Variants in DOC2B observed in about 807,000 individuals in gnomAD.
DOC2B encodes double C2-like domain-containing protein beta.
In DOC2B, 21 loss-of-function variants were observed where a neutral mutation model predicts 28.9. That is an observed-to-expected ratio of 0.73 (90% CI 0.52 to 1.05). DOC2B has a LOEUF of 1.05. Ranked by LOEUF, DOC2B falls within the 50% of genes least tolerant of loss-of-function variation. The pLI is 0.00. For missense variants in DOC2B, 384 were observed against 421.1 expected, an observed-to-expected ratio of 0.91 and a Z score of 0.77; for synonymous variants, 194 against 178.1, an observed-to-expected ratio of 1.09 and a Z score of -0.71.
At chr17:159,905 C>T (rs1323189622) in intron 5 of DOC2B, among the ~76,000 whole-genome samples, 4 of 149,082 alleles carry the variant, frequency 2.7e-5, no homozygotes, top group African/African-American at 7.3e-5. Context: ...TGACACCCCA[C>T]GTACATACCC....
intron 1 of DOC2B, among the ~76,000 whole-genome samples, chr17:177,991 C>A (rs1467700059): frequency 2.0e-5 from 3 of 152,246 alleles, no homozygotes; most frequent in Non-Finnish European, 4.4e-5. Flanking sequence ...GACAAAAGGA[C>A]AGGTCTCCTG....
intron 2 of DOC2B, among the ~76,000 whole-genome samples, chr17:170,569 G>C (rs1334079718): frequency 6.6e-6 from 1 of 152,176 alleles, no homozygotes; most frequent in African/African-American, 2.4e-5. Context: ...ATCTGAGCTG[G>C]GCTGGCTCAG....
chr17:152,000 G>A (rs948721739), intron 6 of DOC2B, among the ~76,000 whole-genome samples: 3 of 152,138 alleles, frequency 2.0e-5, no homozygotes, highest in Admixed American at 6.5e-5. Context: ...TCTGGCACAA[G>A]CCCACCCTGC....
chr17:172,270 C>G (rs927921266), intron 2 of DOC2B, among the ~76,000 whole-genome samples: 1 of 152,034 alleles, frequency 6.6e-6, no homozygotes, highest in Non-Finnish European at 1.5e-5. Context: ...CCTCCCCAGG[C>G]TCGAGGGTCC....
intron 3 of DOC2B, among the ~76,000 whole-genome samples, chr17:162,663 C>T (rs1219740241): frequency 6.6e-6 from 1 of 152,320 alleles, no homozygotes; most frequent in East Asian, 1.9e-4. Context: ...CAGAGCAGTC[C>T]GAGAGTAAAC....
At position 181,369 on chromosome 17, in the gene DOC2B, G is replaced by T; in HGVS notation, c.111C>A (p.Phe37Leu). The T allele has an allele frequency of 1.8e-6, 2 of 1,137,318 alleles. No homozygotes were observed. Among genetic ancestry groups the T allele is most frequent in the Non-Finnish European group, 2.2e-6 (2 of 924,904 alleles). 70.5% of individuals were successfully genotyped at this position (1,137,318 alleles called of 1,614,324 possible). ...GGGGCAGGCCCCGCGGGAAGCGGGGGAAGTAGTCGGAGATCTGCTTGATGG... is the reference window on the plus strand; with the variant it reads ...GGGGCAGGCCCCGCGGGAAGCGGGGTAAGTAGTCGGAGATCTGCTTGATGG... ...IRPIKQISDY[F>L]PRFPRGLPPD... The change falls in exon 1 of 9, where the codon TTC (phenylalanine) becomes TTA (leucine). Residue 37 changes from phenylalanine to leucine, a missense_variant. Physicochemically the swap from Phe to Leu is conservative, Grantham distance 22. Transcript: ENST00000613549. This position sits in a 1 kb window ranked among gnomAD's most constrained non-coding sequence, Gnocchi z 7.0.
chr17:157,554 C>T (rs532974169), intron 5 of DOC2B, among the ~76,000 whole-genome samples: 9 of 152,262 alleles, frequency 5.9e-5, no homozygotes, highest in East Asian at 1.9e-4. Context: ...CTCTGCCTCC[C>T]GGGTTTAAGC....
intron 5 of DOC2B, among the ~76,000 whole-genome samples, chr17:156,925 AT>A (rs2040142636): frequency 6.6e-6 from 1 of 152,182 alleles, no homozygotes; most frequent in African/African-American, 2.4e-5. Context: ...AATGAAAAAT[AT>A]TTTGTGACAC....
intron 1 of DOC2B, among the ~76,000 whole-genome samples, chr17:176,906 C>G (rs2040376320): frequency 6.6e-6 from 1 of 152,140 alleles, no homozygotes; most frequent in African/African-American, 2.4e-5. Flanking sequence ...AGCTCAAGCC[C>G]CTGTTGGCTC....
chr17:147,646 C>A (rs1482688303), intron 8 of DOC2B, 69 bp from the exon 9 acceptor site: 5 of 398,628 alleles, frequency 1.3e-5, no homozygotes, highest in Non-Finnish European at 2.2e-5. Flanking sequence ...GCCCATGCCC[C>A]CTCCCAGGTT....
At chr17:150,769 C>CA (rs2040064076) in intron 6 of DOC2B, among the ~76,000 whole-genome samples, 1 of 152,204 alleles carries the variant, frequency 6.6e-6, no homozygotes, top group African/African-American at 2.4e-5. Context: ...CAAACAACCA[C>CA]ACGCCCTTCA....
At chr17:172,514 G>T in intron 2 of DOC2B, 23 bp downstream of exon 2, 1 of 1,547,668 alleles carries the variant, frequency 6.5e-7, no homozygotes, top group Non-Finnish European at 8.7e-7. Context: ...CAGGGAATTT[G>T]GGGGCAGGCT....
chr17:157,240 C>T (rs1438612010), intron 5 of DOC2B, among the ~76,000 whole-genome samples: 1 of 152,242 alleles, frequency 6.6e-6, no homozygotes, highest in Non-Finnish European at 1.5e-5. Flanking sequence ...CTTTGCGCAC[C>T]CTTAATCCAC....
chr17:176,532 G>T (rs1292297359), intron 1 of DOC2B, among the ~76,000 whole-genome samples: 2 of 152,052 alleles, frequency 1.3e-5, no homozygotes, highest in Non-Finnish European at 2.9e-5. Context: ...GGTCCAAAAA[G>T]CTTTTTTTTG....
rs1156746880 is a variant in DOC2B at position 144,083 on chromosome 17, CGGCGGGCGG to C, written c.*3349_*3357del. ...GGATTGGCGCAGGCGGCGGGCGGGG[CGGCGGGCGG>C]GGCGGCGGGCGGGGCGGCGCTGGAG... On this transcript the variant is annotated 3_prime_UTR_variant, in exon 9 of 9. Transcript: ENST00000613549. 1.6e-5 allele frequency: 1 copy of C among 61,050 alleles called. No homozygotes were observed. The highest frequency in any genetic ancestry group is 7.5e-5 in the African/African-American group (1 of 13,254). 3.8% of individuals were successfully genotyped at this position (61,050 alleles called of 1,614,324 possible). A position where few individuals can be genotyped will look rare whatever the true frequency, so the allele number is the denominator to read the frequency against.
intron 6 of DOC2B, among the ~76,000 whole-genome samples, chr17:149,625 C>T (rs2040051698): frequency 6.6e-6 from 1 of 152,108 alleles, no homozygotes; most frequent in African/African-American, 2.4e-5. Context: ...CCTGCCTCAG[C>T]CTCCAGAGTA....
chr17:155,941 C>T, intron 6 of DOC2B: 1 of 424,876 alleles, frequency 2.4e-6, no homozygotes, highest in Non-Finnish European at 4.1e-6. Context: ...CTGGGCCCCT[C>T]AGTCACAGAG....
At chr17:149,000 C>G (rs1317813321) in intron 7 of DOC2B, 111 bp downstream of exon 7, 1 of 397,542 alleles carries the variant, frequency 2.5e-6, no homozygotes, top group Non-Finnish European at 4.4e-6. Flanking sequence ...CCCTCCCCAC[C>G]GTCTCTGACC....
At chr17:162,994 G>A (rs1425616416) in intron 3 of DOC2B, among the ~76,000 whole-genome samples, 9 of 152,208 alleles carry the variant, frequency 5.9e-5, no homozygotes, top group Admixed American at 5.9e-4. Flanking sequence ...CAGGCTGGGA[G>A]GTCAGACAGC....
Sources: allele counts gnomAD v4.1 joint callset (sites outside exome capture counted in the v4.1 genomes callset), GRCh38; gene constraint gnomAD v4.1.1; non-coding constraint Gnocchi (gnomAD v3.1); transcripts MANE v1.5; gene names NCBI Gene and HGNC (gene_info 2026-07-23, HGNC 2026-07-21).